Variants in TEKT5 observed in about 807,000 individuals in gnomAD.
TEKT5 encodes the protein tektin-5.
Under a neutral mutation model 48.7 loss-of-function variants are expected in TEKT5, and 52 were observed. That is an observed-to-expected ratio of 1.07 (90% CI 0.86 to 1.35). The LOEUF is 1.35. Among genes scored for constraint, TEKT5 ranks in the 40% most tolerant of loss-of-function variants. TEKT5 has a pLI of 0.00. For missense variants in TEKT5, 831 were observed against 641.6 expected (o/e 1.30, Z -3.19); for synonymous variants, 318 against 267.6 (o/e 1.19, Z -1.84).
chr16:10,663,980 T>C (rs1898417667), intron 5 of TEKT5, among the ~76,000 whole-genome samples: 1 of 152,216 alleles, frequency 6.6e-6, no homozygotes, highest in Admixed American at 6.5e-5. Context: ...TCAGAGGTCC[T>C]GAAAGTCCTG....
intron 5 of TEKT5, among the ~76,000 whole-genome samples, chr16:10,648,653 A>G (rs2541546): frequency 0.12 from 18,039 of 152,162 alleles, 1,381 homozygotes; most frequent in African/African-American, 0.21. Context: ...GTTTTTAGAT[A>G]AGAGAAATGA....
At chr16:10,648,965 T>A (rs1898112144) in intron 5 of TEKT5, among the ~76,000 whole-genome samples, 1 of 152,238 alleles carries the variant, frequency 6.6e-6, no homozygotes, top group African/African-American at 2.4e-5. Context: ...AATTTTATTT[T>A]TAGAGACAAG....
At chr16:10,645,036 G>A (rs956978448) in intron 5 of TEKT5, among the ~76,000 whole-genome samples, 1 of 152,142 alleles carries the variant, frequency 6.6e-6, no homozygotes, top group Non-Finnish European at 1.5e-5. Context: ...CCGGAAGAGG[G>A]CCCTCACCAG....
chr16:10,640,277 G>C (rs964900053), intron 5 of TEKT5, among the ~76,000 whole-genome samples: 2 of 151,932 alleles, frequency 1.3e-5, no homozygotes, highest in African/African-American at 4.8e-5. Context: ...TCAGTAGCTG[G>C]GACTACAGGT....
At chr16:10,651,428 G>C (rs1377912392) in intron 5 of TEKT5, among the ~76,000 whole-genome samples, 1 of 152,126 alleles carries the variant, frequency 6.6e-6, no homozygotes, top group Non-Finnish European at 1.5e-5. Context: ...CTTTTCCTTT[G>C]GGAGGGGTTT....
intron 5 of TEKT5, among the ~76,000 whole-genome samples, chr16:10,674,479 A>T (rs903821847): frequency 6.6e-6 from 1 of 151,990 alleles, no homozygotes; most frequent in African/African-American, 2.4e-5. Flanking sequence ...ACAAAAAACT[A>T]AAAAACCTAG....
Position 10,687,997 on chromosome 16 carries a change from TTTAAG to T in TEKT5, c.719+1251_719+1255del, listed in dbSNP as rs375083206. Among the ~76,000 whole-genome samples the T allele has an allele frequency of 1.1e-3, 165 of 152,318 alleles. 2 individuals carry two copies. Among genetic ancestry groups the T allele is most frequent in the Non-Finnish European group, 2.0e-3 (133 of 68,024 alleles). ...GTTACAAACATTCCCATTTATACTC[TTTAAG>T]TTATTTTTAAATGTGCAATAAATTA... On this transcript the variant is annotated intron_variant, in intron 3 of 6. Coordinates refer to ENST00000283025, the MANE Select transcript of TEKT5 (RefSeq NM_144674.2).
intron 5 of TEKT5, among the ~76,000 whole-genome samples, chr16:10,647,314 A>T (rs185649358): frequency 3.1e-4 from 47 of 150,946 alleles, no homozygotes; most frequent in Admixed American, 8.6e-4. Context: ...CAAAAAATTT[A>T]AAAAAAAATA....
chr16:10,649,923 A>G (rs1454667137), intron 5 of TEKT5, among the ~76,000 whole-genome samples: 1 of 152,174 alleles, frequency 6.6e-6, no homozygotes, highest in East Asian at 1.9e-4. Context: ...CCCTGCTCCT[A>G]CGGAGCCTGT....
At chr16:10,652,477 CACACACACACACACACACCCTCCA>C in intron 5 of TEKT5, among the ~76,000 whole-genome samples, 4 of 146,230 alleles carry the variant, frequency 2.7e-5, no homozygotes, top group South Asian at 2.3e-4. Context: ...CACACACACA[CACACACACACACACACACCCTCCA>C]GGCCAGGTAG....
intron 5 of TEKT5, among the ~76,000 whole-genome samples, chr16:10,669,999 C>G (rs1304428004): frequency 6.6e-6 from 1 of 152,048 alleles, no homozygotes; most frequent in African/African-American, 2.4e-5. Flanking sequence ...GGGGTGTGGC[C>G]GAGGTGACAG....
At position 10,675,851 on chromosome 16, in the gene TEKT5, G is replaced by C. The variant is rs1310768973; in HGVS notation, c.1086+108C>G. On this transcript the variant is annotated intron_variant, in intron 5 of 6. Coordinates refer to ENST00000283025, the MANE Select transcript of TEKT5 (RefSeq NM_144674.2). ...CACAGACCTTGGGAGAGAGGGTACTGCTTTGGCACCAGGGGCAGGGCCAGC... is the reference window on the plus strand; with the variant it reads ...CACAGACCTTGGGAGAGAGGGTACTCCTTTGGCACCAGGGGCAGGGCCAGC... The C allele has an allele frequency of 4.5e-6, 5 of 1,108,182 alleles. No homozygotes were observed. In the African/African-American group the frequency reaches 7.7e-5, roughly 17 times the overall value. 68.6% of individuals were successfully genotyped at this position (1,108,182 alleles called of 1,614,324 possible).
chr16:10,694,478 C>G lies in TEKT5; in HGVS notation c.396G>C (p.Gln132His). 1 of 1,614,008 alleles carries G rather than the reference C, an allele frequency of 6.2e-7. No homozygotes were observed. The highest frequency in any genetic ancestry group is 8.5e-7 in the Non-Finnish European group (1 of 1,179,968). ...LLQDKDQLTH[Q>H]MQEGTCRNLG... ...GGTTCCGGCAGGTGCCCTCCTGCAT[C>G]TGGTGCGTCAGCTGGTCCTTGTCCT... Residue 132 changes from glutamine (Q) to histidine (H), a missense_variant, in exon 1 of 7, where the codon CAG (glutamine) becomes CAC (histidine). Coordinates refer to ENST00000283025, the MANE Select transcript of TEKT5 (RefSeq NM_144674.2).
intron 4 of TEKT5, among the ~76,000 whole-genome samples, chr16:10,677,671 G>A (rs1181184520): frequency 6.6e-6 from 1 of 150,542 alleles, no homozygotes; most frequent in Non-Finnish European, 1.5e-5. Context: ...TAAAGGGCAA[G>A]AGAAAAGGAA....
chr16:10,633,734 T>C (rs879727996), intron 6 of TEKT5, among the ~76,000 whole-genome samples: 5 of 152,064 alleles, frequency 3.3e-5, no homozygotes, highest in Admixed American at 6.6e-5. Flanking sequence ...TTTTTAGAGA[T>C]AGTGTCTTGC....
In TEKT5 at chr16:10,676,196, G is replaced by T; in HGVS notation, c.864-15C>A. The T allele has an allele frequency of 6.2e-7, 1 of 1,613,398 alleles. No homozygotes were observed. Among genetic ancestry groups the T allele is most frequent in the Non-Finnish European group, 8.5e-7 (1 of 1,179,342 alleles). ...GTACGGAGATCCTGCAAAGGCACAA[G>T]GGTGAGTTGCAGCAGTCCTGGAAGA... On this transcript the variant is annotated splice_polypyrimidine_tract_variant and intron_variant, in intron 4 of 6. Coordinates refer to ENST00000283025, the MANE Select transcript of TEKT5 (RefSeq NM_144674.2).
chr16:10,694,187 G>A (rs1321161311), intron 1 of TEKT5, 123 bp downstream of exon 1: 8 of 845,874 alleles, frequency 9.5e-6, no homozygotes, highest in African/African-American at 5.1e-5. Context: ...GATCGTATTC[G>A]ATGATGCAGC....
At chr16:10,676,907 G>T (rs1327877054) in intron 4 of TEKT5, among the ~76,000 whole-genome samples, 1 of 147,158 alleles carries the variant, frequency 6.8e-6, no homozygotes, top group Admixed American at 6.8e-5. Flanking sequence ...GAAACTGGAG[G>T]GCTGGGCCAG....
intron 1 of TEKT5, chr16:10,690,490 T>A (rs1474609787): frequency 2.4e-6 from 2 of 850,548 alleles, no homozygotes; most frequent in Non-Finnish European, 2.8e-6. Flanking sequence ...GCTGGTTTCC[T>A]CCTCTGCAGA....
Sources: allele counts gnomAD v4.1 joint callset (sites outside exome capture counted in the v4.1 genomes callset), GRCh38; gene constraint gnomAD v4.1.1; transcripts MANE v1.5; gene names NCBI Gene and HGNC (gene_info 2026-07-23, HGNC 2026-07-21).